CCSER1: variants seen among roughly 807,000 people sequenced by gnomAD.
CCSER1 encodes the protein coiled-coil serine rich protein 1, also known as serine-rich coiled-coil domain-containing protein 1.
CCSER1 carries 41 observed loss-of-function variants against 82.0 expected under a neutral mutation model. The observed-to-expected ratio is 0.50, with a 90% confidence interval of 0.39 to 0.65. CCSER1 has a LOEUF of 0.65. Among genes scored for constraint, CCSER1 ranks in the 30% least tolerant of loss-of-function variants. The pLI, the probability that CCSER1 is intolerant of heterozygous loss-of-function variation, is 0.00. For synonymous variants in CCSER1, 414 were observed against 383.9 expected (o/e 1.08, Z -0.92); for missense variants, 1,119 against 1,064.2 (o/e 1.05, Z -0.72).
At chr4:90,339,651 A>G (rs1741035018) in intron 3 of CCSER1, among the ~76,000 whole-genome samples, 1 of 151,964 alleles carries the variant, frequency 6.6e-6, no homozygotes, top group South Asian at 2.1e-4. Flanking sequence ...CTTCCTCCAG[A>G]TTACTGCATG....
chr4:90,612,287 G>A (rs1785619794), intron 5 of CCSER1, among the ~76,000 whole-genome samples: 1 of 152,086 alleles, frequency 6.6e-6, no homozygotes, highest in African/African-American at 2.4e-5. Context: ...TTTTTTAATG[G>A]TGGAAAGCAT....
intron 10 of CCSER1, among the ~76,000 whole-genome samples, chr4:91,190,256 G>C (rs1734889850): frequency 6.6e-6 from 1 of 152,142 alleles, no homozygotes; most frequent in African/African-American, 2.4e-5. Context: ...ATGTTATTTG[G>C]TTTTATCTCC....
In CCSER1 at chr4:91,373,891, A is replaced by G. The variant is rs556479903; in HGVS notation, c.2218-224681A>G. On this transcript the variant is annotated intron_variant, in intron 10 of 10. Coordinates refer to ENST00000509176, the MANE Select transcript of CCSER1 (RefSeq NM_001145065.2). ...CACATATGAATGATAAGAAAGTGAA[A>G]CAGCCTTATTGCTGATATGGAAAAA... 2.7e-4 allele frequency among the ~76,000 whole-genome samples: 41 copies of G among 152,330 alleles called. 1 individual carries two copies. In the South Asian group the frequency reaches 3.1e-3, roughly 12 times the overall value.
chr4:91,497,635 T>C (rs1003833756), intron 10 of CCSER1, among the ~76,000 whole-genome samples: 1 of 151,808 alleles, frequency 6.6e-6, no homozygotes, highest in East Asian at 1.9e-4. Context: ...TCTATGCTAA[T>C]TTTTAAGAGA....
At chr4:90,868,425 T>C (rs570807003) in intron 8 of CCSER1, among the ~76,000 whole-genome samples, 5 of 152,172 alleles carry the variant, frequency 3.3e-5, no homozygotes, top group African/African-American at 1.2e-4. Context: ...AATTTGTAGC[T>C]CTCACAAATA....
intron 6 of CCSER1, among the ~76,000 whole-genome samples, chr4:90,637,662 A>T (rs1254448113): frequency 6.6e-6 from 1 of 152,182 alleles, no homozygotes; most frequent in Non-Finnish European, 1.5e-5. Context: ...GTTTAAACAC[A>T]GCAACTCAAG....
chr4:91,022,580 G>A (rs1385999279), intron 9 of CCSER1, among the ~76,000 whole-genome samples: 3 of 152,102 alleles, frequency 2.0e-5, no homozygotes, highest in African/African-American at 7.2e-5. Flanking sequence ...CTGAGGAATC[G>A]CCACACTGAC....
At chr4:90,272,302 A>G (rs1379029421) in intron 1 of CCSER1, among the ~76,000 whole-genome samples, 1 of 152,184 alleles carries the variant, frequency 6.6e-6, no homozygotes, top group African/African-American at 2.4e-5. Context: ...CAGGTATATG[A>G]AAGGTGTTCA....
chr4:90,643,282 G>T (rs918273821), intron 6 of CCSER1, among the ~76,000 whole-genome samples: 4 of 152,194 alleles, frequency 2.6e-5, no homozygotes, highest in African/African-American at 9.7e-5. Context: ...ATGAATGAAT[G>T]TGTGTTGCTA....
At chr4:90,406,191 C>T (rs1371291755) in intron 4 of CCSER1, among the ~76,000 whole-genome samples, 1 of 152,004 alleles carries the variant, frequency 6.6e-6, no homozygotes, top group Admixed American at 6.5e-5. Context: ...AAATGGACAA[C>T]AAAATTGAGC....
At chr4:90,537,909 C>T (rs559465459) in intron 5 of CCSER1, among the ~76,000 whole-genome samples, 2 of 152,116 alleles carry the variant, frequency 1.3e-5, no homozygotes, top group African/African-American at 4.8e-5. Context: ...ATCCAGTAGC[C>T]TGTACTTCTC....
At chr4:90,155,417 T>C (rs1304794949) in intron 1 of CCSER1, among the ~76,000 whole-genome samples, 3 of 152,172 alleles carry the variant, frequency 2.0e-5, no homozygotes, top group Non-Finnish European at 4.4e-5. Context: ...GAGGATTCCC[T>C]CTTTTTCTGT....
At chr4:90,592,014 T>A (rs1219970824) in intron 5 of CCSER1, among the ~76,000 whole-genome samples, 2 of 151,840 alleles carry the variant, frequency 1.3e-5, no homozygotes, top group Admixed American at 6.6e-5. Flanking sequence ...GAGGGAAACA[T>A]TACACACGGG....
chr4:91,227,634 G>C (rs545646372), intron 10 of CCSER1, among the ~76,000 whole-genome samples: 1 of 151,496 alleles, frequency 6.6e-6, no homozygotes, highest in South Asian at 2.1e-4. Flanking sequence ...ATTGAACATA[G>C]TATACAATAA....
At chr4:91,541,813 A>T (rs1761615112) in intron 10 of CCSER1, among the ~76,000 whole-genome samples, 1 of 152,220 alleles carries the variant, frequency 6.6e-6, no homozygotes, top group African/African-American at 2.4e-5. Flanking sequence ...ACTGTCTTCC[A>T]CAATGGTTGA....
At chr4:91,073,739 A>G (rs955571390) in intron 9 of CCSER1, among the ~76,000 whole-genome samples, 2 of 152,068 alleles carry the variant, frequency 1.3e-5, no homozygotes, top group Non-Finnish European at 2.9e-5. Context: ...TAACTTCTTG[A>G]GTAGTTTAAT....
intron 1 of CCSER1, among the ~76,000 whole-genome samples, chr4:90,255,550 GA>G (rs1723131392): frequency 6.6e-6 from 1 of 152,092 alleles, no homozygotes; most frequent in African/African-American, 2.4e-5. Context: ...AATGGTAAAT[GA>G]AAAATTTATA....
chr4:91,414,929 T>C (rs548836070), intron 10 of CCSER1, among the ~76,000 whole-genome samples: 1 of 152,242 alleles, frequency 6.6e-6, no homozygotes, highest in South Asian at 2.1e-4. Flanking sequence ...CACCTATGTA[T>C]ATAAAGCAAA....
intron 1 of CCSER1, among the ~76,000 whole-genome samples, chr4:90,131,159 A>G (rs963651161): frequency 2.0e-5 from 3 of 151,540 alleles, no homozygotes; most frequent in Non-Finnish European, 2.9e-5. Flanking sequence ...CACCACACCC[A>G]GCTAATTTTT....
Sources: gnomAD v4.1 joint callset for allele counts (sites outside exome capture counted in the v4.1 genomes callset) on GRCh38, gnomAD v4.1.1 for gene constraint, MANE v1.5 for transcripts, NCBI Gene and HGNC (gene_info 2026-07-23, HGNC 2026-07-21) for gene names.